The following BANK1 variants were observed in gnomAD, a reference collection of about 807,000 sequenced individuals.
BANK1 encodes the protein B cell scaffold protein with ankyrin repeats 1.
In BANK1, 95 loss-of-function variants were observed where a neutral mutation model predicts 94.5. The ratio of observed to expected loss-of-function variants is 1.00; its 90% CI spans 0.85 to 1.19. The LOEUF is 1.19. BANK1 is among the 50% of genes most tolerant of loss of function. The pLI, the probability that BANK1 is intolerant of heterozygous loss-of-function variation, is 0.00. For missense variants in BANK1, 987 were observed against 932.2 expected, an observed-to-expected ratio of 1.06 and a Z score of -0.77; for synonymous variants, 334 against 308.4, an observed-to-expected ratio of 1.08 and a Z score of -0.87.
intron 10 of BANK1, among the ~76,000 whole-genome samples, chr4:102,043,529 T>A (rs1297961378): frequency 6.6e-6 from 1 of 152,046 alleles, no homozygotes; most frequent in Non-Finnish European, 1.5e-5. Flanking sequence ...CATTTATCGC[T>A]TTTAACACAA....
At position 102,000,272 on chromosome 4, in the gene BANK1, A is replaced by G. The variant is rs75561769; in HGVS notation, c.1207-21242A>G. On this transcript the variant is annotated intron_variant, in intron 7 of 16. Transcript: ENST00000322953. The stretch of plus-strand genomic sequence containing the variant: ...CGGGAAGTGGAAGTTGCAGTGAGCC[A>G]AGATTGTGCCATTGCACTCTAGCCT... Among the ~76,000 whole-genome samples, 914 of 149,952 alleles carry G rather than the reference A, an allele frequency of 6.1e-3. 13 individuals are homozygous for G. The highest frequency in any genetic ancestry group is 0.057 in the East Asian group (286 of 5,040).
chr4:102,061,846 AT>A (rs1461389053), intron 12 of BANK1: 1 of 152,184 alleles, frequency 6.6e-6, no homozygotes, highest in Non-Finnish European at 1.5e-5. Flanking sequence ...GATAATGAAT[AT>A]TGTTCATGCT....
At chr4:101,995,055 C>G (rs911971459) in intron 7 of BANK1, among the ~76,000 whole-genome samples, 1 of 152,076 alleles carries the variant, frequency 6.6e-6, no homozygotes, top group Non-Finnish European at 1.5e-5. Context: ...CCCATCAACC[C>G]GTCATCTACA....
At chr4:102,037,458 G>A (rs944933117) in intron 10 of BANK1, among the ~76,000 whole-genome samples, 7 of 152,164 alleles carry the variant, frequency 4.6e-5, no homozygotes, top group African/African-American at 1.4e-4. Context: ...AGTCACTTTA[G>A]ATTTCTTGAA....
At chr4:101,853,672 A>G (rs1727576655) in intron 2 of BANK1, among the ~76,000 whole-genome samples, 1 of 152,150 alleles carries the variant, frequency 6.6e-6, no homozygotes, top group Admixed American at 6.5e-5. Context: ...GATTTGACAT[A>G]TTAATGGAAT....
intron 4 of BANK1, among the ~76,000 whole-genome samples, chr4:101,866,635 T>TTACGTTGAATTTCTCTTC (rs1728077647): frequency 8.4e-6 from 1 of 119,676 alleles, no homozygotes. Flanking sequence ...AGTATAGGAA[T>TTACGTTGAATTTCTCTTC]ACCATTTGAC....
chr4:101,812,054 A>G (rs1230742734), intron 1 of BANK1, among the ~76,000 whole-genome samples: 1 of 152,022 alleles, frequency 6.6e-6, no homozygotes, highest in African/African-American at 2.4e-5. Context: ...GAGGTTTTTT[A>G]TCAACATTAT....
intron 4 of BANK1, among the ~76,000 whole-genome samples, chr4:101,863,236 G>T (rs1215079171): frequency 1.3e-5 from 2 of 151,836 alleles, no homozygotes; most frequent in African/African-American, 4.8e-5. Context: ...TAAAATTCCA[G>T]ATGGAATAAC....
intron 7 of BANK1, among the ~76,000 whole-genome samples, chr4:101,922,892 T>C (rs1339057543): frequency 6.6e-6 from 1 of 151,886 alleles, no homozygotes; most frequent in Non-Finnish European, 1.5e-5. Context: ...AATTTTTCTC[T>C]TCTCCAAGTC....
At chr4:101,870,475 T>G in intron 4 of BANK1, 30 bp from the exon 5 acceptor site, 1 of 1,594,976 alleles carries the variant, frequency 6.3e-7, no homozygotes, top group Non-Finnish European at 8.5e-7. Context: ...TTATATACTC[T>G]GCCCCTAACC....
At chr4:102,046,262 C>T (rs1727875058) in intron 11 of BANK1, among the ~76,000 whole-genome samples, 2 of 152,036 alleles carry the variant, frequency 1.3e-5, no homozygotes, top group South Asian at 2.1e-4. Flanking sequence ...GAAACTGGAT[C>T]CCTTCCTTAT....
At chr4:101,907,628 G>T (rs549847542) in intron 6 of BANK1, among the ~76,000 whole-genome samples, 52 of 152,308 alleles carry the variant, frequency 3.4e-4, no homozygotes, top group Middle Eastern at 3.4e-3. Flanking sequence ...CCTGTTTGCA[G>T]ATGACATGAT....
At chr4:102,014,505 T>G (rs1726624414) in intron 7 of BANK1, among the ~76,000 whole-genome samples, 1 of 152,162 alleles carries the variant, frequency 6.6e-6, no homozygotes, top group South Asian at 2.1e-4. Flanking sequence ...TCAGGCCTAA[T>G]TATTCCAAGT....
rs1426684096 is a variant in BANK1, at chr4:102,024,799, C to G, written c.1286-402C>G. Among the ~76,000 whole-genome samples the G allele has an allele frequency of 2.6e-5, 4 of 152,132 alleles. 1 individual carries two copies. In the East Asian group the frequency reaches 7.7e-4, roughly 29 times the overall value. ...CAGATTCATTTCTATTTATTATTTA[C>G]AAGCAAGTAAAGGTTTGTGTCTTTT... On this transcript the variant is annotated intron_variant, in intron 8 of 16. Coordinates refer to ENST00000322953, the MANE Select transcript of BANK1 (RefSeq NM_017935.5).
chr4:101,996,586 T>A (rs758308609), intron 7 of BANK1, among the ~76,000 whole-genome samples: 29 of 152,352 alleles, frequency 1.9e-4, no homozygotes, highest in Admixed American at 3.3e-4. Context: ...CATTTGTTTG[T>A]GTGCTCCCTT....
Position 101,790,823 on chromosome 4 carries a change from A to T in BANK1, c.-58A>T. 1 of 1,495,712 alleles carries T rather than the reference A, an allele frequency of 6.7e-7. No homozygotes were observed. Among genetic ancestry groups the T allele is most frequent in the Non-Finnish European group, 9.0e-7 (1 of 1,109,930 alleles). 92.7% of individuals were successfully genotyped at this position (1,495,712 alleles called of 1,614,324 possible). ...ATCGCGGGGAGTCTCTGGCCGGGAG[A>T]GTCCAGGTAGCGCTCGGCGGGCAGC... On this transcript the variant is annotated 5_prime_UTR_variant, in exon 1 of 17. Transcript: ENST00000322953.
At chr4:102,059,395 C>T (rs1458904115) in intron 11 of BANK1, among the ~76,000 whole-genome samples, 1 of 152,200 alleles carries the variant, frequency 6.6e-6, no homozygotes, top group African/African-American at 2.4e-5. Context: ...AAGGTACAAA[C>T]TCAAATGAGT....
intron 6 of BANK1, among the ~76,000 whole-genome samples, chr4:101,908,014 C>G (rs1402422475): frequency 6.6e-6 from 1 of 152,186 alleles, no homozygotes; most frequent in Non-Finnish European, 1.5e-5. Flanking sequence ...CCATCCCCAT[C>G]AAGCTACCAA....
At chr4:102,065,511 G>A (rs981712703) in intron 13 of BANK1, among the ~76,000 whole-genome samples, 5 of 152,042 alleles carry the variant, frequency 3.3e-5, no homozygotes, top group East Asian at 1.9e-4. Flanking sequence ...TATCTATAAT[G>A]TCCAGTGTTC....
Sources: gnomAD v4.1 joint callset for allele counts (sites outside exome capture counted in the v4.1 genomes callset) on GRCh38, gnomAD v4.1.1 for gene constraint, MANE v1.5 for transcripts, NCBI Gene and HGNC (gene_info 2026-07-23, HGNC 2026-07-21) for gene names.